Variants in NELL1 observed in about 807,000 individuals in gnomAD.
NELL1 encodes the protein protein kinase C-binding protein NELL1.
NELL1 carries 76 observed loss-of-function variants against 107.4 expected under a neutral mutation model. That is an observed-to-expected ratio of 0.71 (90% CI 0.59 to 0.86). The LOEUF (loss-of-function observed/expected upper bound fraction) is 0.86. NELL1 is among the 40% of genes least tolerant of loss of function. NELL1 has a pLI of 0.00. For missense variants in NELL1, 1,024 were observed against 1,005.5 expected (o/e 1.02, Z -0.25); for synonymous variants, 353 against 341.2 (o/e 1.03, Z -0.38).
At chr11:21,208,237 C>A (rs77826043) in intron 13 of NELL1, among the ~76,000 whole-genome samples, 2 of 151,768 alleles carry the variant, frequency 1.3e-5, no homozygotes, top group South Asian at 4.2e-4. Flanking sequence ...CAATAAAAAC[C>A]GTCTATTCTT....
intron 15 of NELL1, among the ~76,000 whole-genome samples, chr11:21,393,482 G>A (rs539663429): frequency 5.9e-5 from 9 of 151,820 alleles, no homozygotes; most frequent in South Asian, 2.1e-4. Flanking sequence ...TGTGGCTGAT[G>A]AGCAATTTAT....
intron 12 of NELL1, among the ~76,000 whole-genome samples, chr11:20,975,857 TATGTGTATTATATATACACATAC>T (rs752902718): frequency 0.033 from 4,172 of 125,938 alleles, 137 homozygotes; most frequent in Non-Finnish European, 0.053. Context: ...TATATACATA[TATGTGTATTATATATACACATAC>T]ATGTGTATTA....
chr11:21,195,156 A>G (rs1418932074), intron 13 of NELL1, among the ~76,000 whole-genome samples: 1 of 152,194 alleles, frequency 6.6e-6, no homozygotes, highest in Admixed American at 6.5e-5. Flanking sequence ...GCAAGAATAA[A>G]TGTTCAGCAC....
At chr11:20,849,371 C>T (rs984397) in intron 4 of NELL1, among the ~76,000 whole-genome samples, 146,776 of 152,252 alleles carry the variant, frequency 0.96, 71,002 homozygotes, top group East Asian at 1. Flanking sequence ...GCTTGGCCTT[C>T]AGTGCTCAGT....
chr11:21,571,311 A>G (rs1398488653), intron 18 of NELL1, among the ~76,000 whole-genome samples: 1 of 151,864 alleles, frequency 6.6e-6, no homozygotes, highest in African/African-American at 2.4e-5. Flanking sequence ...AGATTTCAAT[A>G]TAAGAGGTAA....
At chr11:21,546,046 G>A (rs1856432637) in intron 16 of NELL1, among the ~76,000 whole-genome samples, 1 of 151,988 alleles carries the variant, frequency 6.6e-6, no homozygotes, top group South Asian at 2.1e-4. Flanking sequence ...GCAAGCTTGT[G>A]TATACATCTG....
At chr11:21,100,629 C>G (rs1358198485) in intron 12 of NELL1, among the ~76,000 whole-genome samples, 1 of 152,188 alleles carries the variant, frequency 6.6e-6, no homozygotes, top group African/African-American at 2.4e-5. Context: ...AAAGCAGACA[C>G]TTGAGGAGAT....
chr11:21,161,350 C>T (rs1856364695), intron 13 of NELL1, among the ~76,000 whole-genome samples: 1 of 152,058 alleles, frequency 6.6e-6, no homozygotes, highest in South Asian at 2.1e-4. Flanking sequence ...CTAGCCTGGC[C>T]AACATAGCAA....
chr11:21,226,947 C>T (rs1192759334), intron 13 of NELL1, among the ~76,000 whole-genome samples: 1 of 152,064 alleles, frequency 6.6e-6, no homozygotes, highest in African/African-American at 2.4e-5. Context: ...TAGAAACAAA[C>T]TCGTACATTT....
At chr11:21,529,971 A>G (rs1336812069) in intron 15 of NELL1, among the ~76,000 whole-genome samples, 1 of 152,186 alleles carries the variant, frequency 6.6e-6, no homozygotes, top group Admixed American at 6.5e-5. Context: ...CTATATTTAT[A>G]ACAACAGTTT....
intron 14 of NELL1, among the ~76,000 whole-genome samples, chr11:21,370,060 T>C (rs545508391): frequency 6.6e-6 from 1 of 152,028 alleles, no homozygotes; most frequent in Non-Finnish European, 1.5e-5. Flanking sequence ...ATATGTAAAT[T>C]TACAATTGTA....
At chr11:20,760,597 T>C (rs182041559) in intron 2 of NELL1, among the ~76,000 whole-genome samples, 1 of 152,238 alleles carries the variant, frequency 6.6e-6, no homozygotes, top group East Asian at 1.9e-4. Flanking sequence ...GTCCAGCCAG[T>C]GGAGGACAGA....
At chr11:20,910,969 A>G (rs145808435) in intron 5 of NELL1, among the ~76,000 whole-genome samples, 68 of 152,324 alleles carry the variant, frequency 4.5e-4, no homozygotes, top group African/African-American at 1.6e-3. Flanking sequence ...ATAAAAATGC[A>G]TTTCTTGGCA....
At chr11:21,541,210 ATTC>A (rs1347225782) in intron 16 of NELL1, among the ~76,000 whole-genome samples, 5 of 152,142 alleles carry the variant, frequency 3.3e-5, no homozygotes, top group Non-Finnish European at 7.4e-5. Context: ...ACATACAGCT[ATTC>A]TTACGGGACT....
At chr11:20,719,045 T>C (rs1855317279) in intron 2 of NELL1, among the ~76,000 whole-genome samples, 1 of 152,196 alleles carries the variant, frequency 6.6e-6, no homozygotes, top group Non-Finnish European at 1.5e-5. Context: ...CTTCTAGAAG[T>C]GTATCCCTTT....
At chr11:21,385,355 C>G (rs923019680) in intron 15 of NELL1, among the ~76,000 whole-genome samples, 1 of 151,900 alleles carries the variant, frequency 6.6e-6, no homozygotes, top group Non-Finnish European at 1.5e-5. Flanking sequence ...TCGTATTAGT[C>G]TCTAAAGCCA....
intron 14 of NELL1, among the ~76,000 whole-genome samples, chr11:21,230,926 G>T (rs185050086): frequency 2.6e-5 from 4 of 152,124 alleles, no homozygotes; most frequent in African/African-American, 9.7e-5. Context: ...GGTTCATGAA[G>T]AGGGGGAAAT....
rs923629495 is a variant in NELL1 at position 21,229,551 on chromosome 11, A to G, written c.1549+97A>G. ...CCTTCTTGGTAACTCTTGGTGGAAC[A>G]CAGCCAGGGTTCCTGCTCCTGGTTT... On this transcript the variant is annotated intron_variant, in intron 14 of 19. Coordinates refer to ENST00000357134, the MANE Select transcript of NELL1 (RefSeq NM_006157.5). 27 of 1,500,624 alleles carry G rather than the reference A, an allele frequency of 1.8e-5. No homozygotes were observed. In the African/African-American group the frequency reaches 3.6e-4, roughly 20 times the overall value. The allele number at this position is 1,500,624 out of a possible 1,614,324, so 93.0% of individuals were successfully genotyped here. A position where few individuals can be genotyped will look rare whatever the true frequency, so the allele number is the denominator to read the frequency against.
At position 21,280,383 on chromosome 11, in the gene NELL1, T is replaced by A. The variant is rs140152126; in HGVS notation, c.1549+50929T>A. 3.6e-3 allele frequency among the ~76,000 whole-genome samples: 551 copies of A among 152,286 alleles called. 4 individuals carry two copies. Among genetic ancestry groups the A allele is most frequent in the African/African-American group, 0.013 (526 of 41,562 alleles). On this transcript the variant is annotated intron_variant, in intron 14 of 19. Transcript: ENST00000357134. Reference sequence around the variant, plus strand: ...TAAGAACCAAAAATCAGGTGAGCATTCACAGTACCTGATTTTAACTTCATA... The same window carrying A: ...TAAGAACCAAAAATCAGGTGAGCATACACAGTACCTGATTTTAACTTCATA...
Sources: allele counts gnomAD v4.1 joint callset (sites outside exome capture counted in the v4.1 genomes callset), GRCh38; gene constraint gnomAD v4.1.1; transcripts MANE v1.5; gene names NCBI Gene and HGNC (gene_info 2026-07-23, HGNC 2026-07-21).